The following FHIP1B variants were observed in gnomAD, a reference collection of about 807,000 sequenced individuals.
FHIP1B encodes the protein FHF complex subunit HOOK-interacting protein 1B.
A neutral mutation model predicts 82.2 loss-of-function variants in FHIP1B; 28 were observed. The observed-to-expected ratio is 0.34, with a 90% CI of 0.25 to 0.47. FHIP1B has a LOEUF of 0.47. FHIP1B is among the 20% of genes least tolerant of loss of function. The pLI is 1.00. For missense variants in FHIP1B, 1,110 were observed against 1,262.6 expected, an observed-to-expected ratio of 0.88 and a Z score of 1.83; for synonymous variants, 585 against 516.1, an observed-to-expected ratio of 1.13 and a Z score of -1.81.
intron 6 of FHIP1B, 61 bp downstream of exon 6, chr11:6,222,381 C>G: frequency 6.3e-7 from 1 of 1,585,382 alleles, no homozygotes; most frequent in African/African-American, 1.3e-5. Flanking sequence ...CCTCCCAGAA[C>G]AAAGGTCAGA....
At chr11:6,213,125 C>T (rs541800043) in intron 11 of FHIP1B, among the ~76,000 whole-genome samples, 38 of 152,196 alleles carry the variant, frequency 2.5e-4, no homozygotes, top group Non-Finnish European at 4.7e-4. Context: ...AGCACCAGAA[C>T]TGTAGAAGGA....
intron 6 of FHIP1B, among the ~76,000 whole-genome samples, chr11:6,221,288 C>G (rs528144967): frequency 6.6e-6 from 1 of 152,046 alleles, no homozygotes; most frequent in Non-Finnish European, 1.5e-5. Context: ...TTTTCCAGAG[C>G]TCTTAGTGAT....
At chr11:6,217,247 G>A (rs1428779642) in intron 9 of FHIP1B, 124 bp downstream of exon 9, 2 of 831,586 alleles carry the variant, frequency 2.4e-6, no homozygotes. Context: ...ATGCAAGCAG[G>A]ATGGATGAGG....
intron 1 of FHIP1B, among the ~76,000 whole-genome samples, chr11:6,226,834 T>C (rs1179365292): frequency 6.6e-6 from 1 of 152,204 alleles, no homozygotes; most frequent in African/African-American, 2.4e-5. Context: ...TAAGATCAGA[T>C]TGTCCTTCAA....
intron 1 of FHIP1B, among the ~76,000 whole-genome samples, chr11:6,233,769 G>T (rs563398446): frequency 6.6e-6 from 1 of 152,244 alleles, no homozygotes; most frequent in South Asian, 2.1e-4. Flanking sequence ...AGCAACAGTG[G>T]AATAAGGTTG....
intron 10 of FHIP1B, 57 bp downstream of exon 10, chr11:6,214,676 T>C (rs980127986): frequency 1.7e-5 from 26 of 1,545,502 alleles, no homozygotes; most frequent in Admixed American, 5.7e-5. Context: ...TCACTCCAGC[T>C]GCGGGCCTGG....
At chr11:6,213,009 A>G (rs1847115611) in intron 11 of FHIP1B, among the ~76,000 whole-genome samples, 1 of 152,110 alleles carries the variant, frequency 6.6e-6, no homozygotes, top group South Asian at 2.1e-4. Context: ...AACTCAACAT[A>G]CTTAATTTAT....
At chr11:6,232,769 A>G (rs893144046) in intron 1 of FHIP1B, among the ~76,000 whole-genome samples, 1 of 152,234 alleles carries the variant, frequency 6.6e-6, no homozygotes, top group African/African-American at 2.4e-5. Flanking sequence ...TCATCACTTT[A>G]AATTTCTGAA....
chr11:6,217,679 T>A lies in FHIP1B; in HGVS notation c.1907A>T (p.Asn636Ile), dbSNP rs914819567. The A allele has an allele frequency of 6.2e-7, 1 of 1,613,610 alleles. No homozygotes were observed. The highest frequency in any genetic ancestry group is 1.3e-5 in the African/African-American group (1 of 74,894). Residue 636 changes from asparagine to isoleucine, a missense_variant, in exon 9 of 12, where the codon AAT (asparagine) becomes ATT (isoleucine). Asn to Ile is a moderately radical substitution (Grantham distance 149). Coordinates refer to ENST00000449352, the MANE Select transcript of FHIP1B (RefSeq NM_001098794.2). Reference protein sequence around the residue: ...GPGHLPPPQLNGVPGSWPEGA... With the variant: ...GPGHLPPPQLIGVPGSWPEGA... ...CTCAGGCCATGATCCTGGCACTCCA[T>A]TGAGCTGGGGAGGGGGCAGGTGACC... is the stretch of plus-strand genomic sequence containing the variant.
intron 1 of FHIP1B, among the ~76,000 whole-genome samples, chr11:6,226,687 A>T (rs1054280821): frequency 1.3e-5 from 2 of 152,262 alleles, no homozygotes; most frequent in African/African-American, 4.8e-5. Flanking sequence ...CAGACTATTC[A>T]GAGAAGAGAG....
chr11:6,222,973 A>T lies in FHIP1B; in HGVS notation c.937-76T>A, dbSNP rs182436217. The T allele has an allele frequency of 1.1e-4, 173 of 1,575,932 alleles. No homozygotes were observed. In the East Asian group the frequency reaches 3.2e-3, roughly 30 times the overall value. On this transcript the variant is annotated intron_variant, in intron 4 of 11. Transcript: ENST00000449352. Reference sequence around the variant, plus strand: ...GGAAGGGAGTAGAATAGTACACTACAGAGAGGCATCCTACTTCCAAGATGG... The same window carrying T: ...GGAAGGGAGTAGAATAGTACACTACTGAGAGGCATCCTACTTCCAAGATGG...
chr11:6,214,292 A>G, intron 11 of FHIP1B, 119 bp downstream of exon 11: 1 of 1,233,874 alleles, frequency 8.1e-7, no homozygotes. Context: ...ATGAAGACTC[A>G]ATTTTCTACA....
Position 6,223,214 on chromosome 11 carries a change from G to T in FHIP1B, c.802C>A (p.Leu268Met). 6.3e-7 allele frequency: 1 copy of T among 1,596,322 alleles called. No individual in the cohort carries two copies. Among genetic ancestry groups the T allele is most frequent in the Non-Finnish European group, 8.5e-7 (1 of 1,175,952 alleles). The change falls in exon 4 of 12, where the codon CTG becomes ATG. Residue 268 changes from leucine to methionine, a missense_variant. Transcript: ENST00000449352. This position sits in a 1 kb window ranked among gnomAD's most constrained non-coding sequence, Gnocchi z 4.8. ...ATCTTTCGAGGCAGTGATGAGTACA[G>T]GGCACTGAGCCCTGTGGCCAGCACC... is the stretch of plus-strand genomic sequence containing the variant. ...CPVLATGLSA[L>M]YSSLPRKIEV...
At chr11:6,230,198 G>A (rs1181364124) in intron 1 of FHIP1B, among the ~76,000 whole-genome samples, 1 of 152,144 alleles carries the variant, frequency 6.6e-6, no homozygotes, top group Non-Finnish European at 1.5e-5. Flanking sequence ...CCTCACTTAT[G>A]AACCTTTGCC....
chr11:6,222,768 T>C, intron 5 of FHIP1B, 43 bp downstream of exon 5: 3 of 1,599,124 alleles, frequency 1.9e-6, no homozygotes, highest in South Asian at 1.1e-5. Context: ...AGGTTACCAC[T>C]GCAGCTTAGC....
intron 9 of FHIP1B, among the ~76,000 whole-genome samples, chr11:6,215,771 T>C (rs1236627740): frequency 6.6e-6 from 1 of 152,200 alleles, no homozygotes; most frequent in African/African-American, 2.4e-5. Flanking sequence ...TCACCAGCAG[T>C]AGGCCTCTAT....
At chr11:6,227,395 C>G (rs1302663628) in intron 1 of FHIP1B, among the ~76,000 whole-genome samples, 2 of 152,052 alleles carry the variant, frequency 1.3e-5, no homozygotes, top group African/African-American at 2.4e-5. Flanking sequence ...AAATTAACCG[C>G]AAAGTAAAAG....
intron 1 of FHIP1B, among the ~76,000 whole-genome samples, chr11:6,228,307 AC>A (rs1847615611): frequency 6.6e-6 from 1 of 152,102 alleles, no homozygotes; most frequent in African/African-American, 2.4e-5. Context: ...CCAAGATCGC[AC>A]CATTGCACTC....
At chr11:6,230,579 C>T (rs1484554185) in intron 1 of FHIP1B, among the ~76,000 whole-genome samples, 2 of 152,212 alleles carry the variant, frequency 1.3e-5, no homozygotes, top group Non-Finnish European at 2.9e-5. Flanking sequence ...ATTCCCTTCC[C>T]TCCCCGCAAT....
Sources: allele counts gnomAD v4.1 joint callset (sites outside exome capture counted in the v4.1 genomes callset), GRCh38; gene constraint gnomAD v4.1.1; non-coding constraint Gnocchi (gnomAD v3.1); transcripts MANE v1.5; gene names NCBI Gene and HGNC (gene_info 2026-07-23, HGNC 2026-07-21).